Variants in ARMC2 observed in about 807,000 individuals in gnomAD.
The protein encoded by ARMC2 is armadillo repeat containing 2.
A neutral mutation model predicts 90.3 loss-of-function variants in ARMC2; 67 were observed. The ratio of observed to expected loss-of-function variants is 0.74; its 90% CI spans 0.61 to 0.91. ARMC2 has a LOEUF of 0.91. Among genes scored for constraint, ARMC2 ranks in the 40% least tolerant of loss-of-function variants. The pLI is 0.00. For missense variants in ARMC2, 920 were observed against 1,030.9 expected, an observed-to-expected ratio of 0.89 and a Z score of 1.47; for synonymous variants, 393 against 393.0, an observed-to-expected ratio of 1.00 and a Z score of 0.00.
At chr6:108,970,905 G>A (rs942383335) in intron 17 of ARMC2, among the ~76,000 whole-genome samples, 1 of 152,200 alleles carries the variant, frequency 6.6e-6, no homozygotes, top group Non-Finnish European at 1.5e-5. Flanking sequence ...CTGGAAAACA[G>A]TGAGCAGGAA....
intron 11 of ARMC2, among the ~76,000 whole-genome samples, chr6:108,933,333 T>C (rs1388182632): frequency 6.6e-6 from 1 of 152,152 alleles, no homozygotes; most frequent in African/African-American, 2.4e-5. Flanking sequence ...GTGGCAATTG[T>C]GAATGGAATG....
intron 12 of ARMC2, among the ~76,000 whole-genome samples, chr6:108,951,045 A>G (rs1204986400): frequency 6.6e-6 from 1 of 152,122 alleles, no homozygotes; most frequent in East Asian, 1.9e-4. Context: ...GCTCAGTACA[A>G]TTTGTGCTTT....
the ARMC2 span, among the ~76,000 whole-genome samples, chr6:109,040,224 A>G: frequency 3.3e-3 from 508 of 152,312 alleles, no homozygotes; most frequent in African/African-American, 9.9e-3. Flanking sequence ...TTCTTTCACA[A>G]GAGAAATAAT....
intron 10 of ARMC2, among the ~76,000 whole-genome samples, chr6:108,914,162 G>T (rs1414493682): frequency 2.0e-5 from 3 of 152,088 alleles, no homozygotes; most frequent in Non-Finnish European, 4.4e-5. Flanking sequence ...GTATGTCTGT[G>T]TGTGTGTATG....
chr6:108,878,377 G>A (rs1247186040), intron 5 of ARMC2, among the ~76,000 whole-genome samples: 1 of 152,198 alleles, frequency 6.6e-6, no homozygotes, highest in Non-Finnish European at 1.5e-5. Flanking sequence ...TAAGTAGACC[G>A]TGGAAAGGGG....
chr6:108,858,903 G>C (rs1274763663), intron 3 of ARMC2, among the ~76,000 whole-genome samples: 1 of 152,090 alleles, frequency 6.6e-6, no homozygotes, highest in Non-Finnish European at 1.5e-5. Context: ...TGACTTCTAA[G>C]GAAGATGAAG....
the ARMC2 span, among the ~76,000 whole-genome samples, chr6:109,039,326 G>A: frequency 2.5e-3 from 375 of 152,290 alleles, 5 homozygotes; most frequent in African/African-American, 8.4e-3. Context: ...AGTCATAATA[G>A]CTTATTAATC....
intron 5 of ARMC2, among the ~76,000 whole-genome samples, chr6:108,887,295 A>C (rs1770465112): frequency 6.6e-6 from 1 of 152,044 alleles, no homozygotes; most frequent in African/African-American, 2.4e-5. Flanking sequence ...CACATGATTG[A>C]CTCATGGATG....
intron 12 of ARMC2, among the ~76,000 whole-genome samples, chr6:108,951,703 G>A (rs72935144): frequency 0.02 from 3,070 of 152,312 alleles, 33 homozygotes; most frequent in East Asian, 0.054. Context: ...CACACCCGAC[G>A]CCCCTCACGG....
intron 12 of ARMC2, among the ~76,000 whole-genome samples, chr6:108,949,267 C>T (rs987220593): frequency 2.0e-5 from 3 of 151,986 alleles, no homozygotes; most frequent in East Asian, 1.9e-4. Context: ...ATCAAATGTG[C>T]GAGGGAGATG....
At chr6:108,862,364 A>AAAC (rs1775352838) in intron 3 of ARMC2, among the ~76,000 whole-genome samples, 4 of 145,482 alleles carry the variant, frequency 2.7e-5, no homozygotes, top group Admixed American at 6.7e-5. Flanking sequence ...AAAAACAAAA[A>AAAC]AAACAAACAA....
chr6:109,026,469 T>C, the ARMC2 span, among the ~76,000 whole-genome samples: 2 of 152,016 alleles, frequency 1.3e-5, no homozygotes, highest in Admixed American at 1.3e-4. Flanking sequence ...TGGCTTGGAG[T>C]GGAATGGCTA....
the ARMC2 span, among the ~76,000 whole-genome samples, chr6:109,043,311 A>C: frequency 1.3e-5 from 2 of 152,176 alleles, no homozygotes; most frequent in Non-Finnish European, 2.9e-5. Context: ...CACCACTCTT[A>C]CACAACATAG....
At chr6:108,861,973 C>T (rs935597333) in intron 3 of ARMC2, among the ~76,000 whole-genome samples, 4 of 152,144 alleles carry the variant, frequency 2.6e-5, no homozygotes, top group African/African-American at 7.2e-5. Context: ...TGGGCTAAGA[C>T]AAGATAGGCA....
In ARMC2 at chr6:108,957,439, C is replaced by T. The variant is rs550742074; in HGVS notation, c.1915+4088C>T. 1.2e-4 allele frequency among the ~76,000 whole-genome samples: 18 copies of T among 152,318 alleles called. No homozygotes were observed. The Middle Eastern group carries it at 0.014, about 115-fold the overall frequency. On this transcript the variant is annotated intron_variant, in intron 13 of 17. Transcript: ENST00000392644. ...TGACAGGCCTGGCAGCTTAGAGCAA[C>T]GCAGGGCCAGTGCTGGGCTGTGACT...
the ARMC2 span, among the ~76,000 whole-genome samples, chr6:109,033,142 TAGA>T: frequency 6.6e-6 from 1 of 152,150 alleles, no homozygotes; most frequent in Non-Finnish European, 1.5e-5. Flanking sequence ...GGTGTGATTT[TAGA>T]AGATTAAGAG....
downstream of ARMC2, among the ~76,000 whole-genome samples, chr6:108,977,476 C>A (rs557856516): frequency 6.6e-6 from 1 of 152,276 alleles, no homozygotes; most frequent in East Asian, 1.9e-4. Flanking sequence ...TGTTGTATCT[C>A]TGCCAGGTTT....
chr6:109,007,118 T>C, the ARMC2 span, among the ~76,000 whole-genome samples: 9 of 152,212 alleles, frequency 5.9e-5, no homozygotes, highest in African/African-American at 9.6e-5. Context: ...ACAACAAGTT[T>C]CCACCATCAC....
At chr6:108,915,787 G>T (rs1773901845) in intron 10 of ARMC2, among the ~76,000 whole-genome samples, 2 of 152,134 alleles carry the variant, frequency 1.3e-5, no homozygotes, top group African/African-American at 4.8e-5. Context: ...GAGTGGACTT[G>T]GGGCAACAAG....
Sources: gnomAD v4.1 joint callset for allele counts (sites outside exome capture counted in the v4.1 genomes callset) on GRCh38, gnomAD v4.1.1 for gene constraint, MANE v1.5 for transcripts, NCBI Gene and HGNC (gene_info 2026-07-23, HGNC 2026-07-21) for gene names.